The following PUDP variants were observed in gnomAD, a reference collection of about 807,000 sequenced individuals.
PUDP encodes pseudouridine 5'-phosphatase.
A neutral mutation model predicts 9.4 loss-of-function variants in PUDP; 8 were observed. That is an observed-to-expected ratio of 0.85 (90% CI 0.50 to 1.53). The LOEUF (loss-of-function observed/expected upper bound fraction) is 1.53, where lower values mean the gene tolerates loss of function less well. PUDP is among the 40% of genes most tolerant of loss of function. The pLI is 0.00. For missense variants in PUDP, 188 were observed against 189.7 expected (o/e 0.99, Z 0.05); for synonymous variants, 99 against 80.7 (o/e 1.23, Z -1.22).
At chrX:6,791,461 T>C (rs1925748521) in intron 3 of PUDP, among the ~76,000 whole-genome samples, 1 of 111,677 alleles carries the variant, frequency 9.0e-6, no homozygotes, top group African/African-American at 3.3e-5. Context: ...GTAACCAAGG[T>C]TATGAAAGAA....
chrX:6,968,868 C>T (rs887130364), intron 3 of PUDP, among the ~76,000 whole-genome samples: 7 of 111,970 alleles, frequency 6.3e-5, no homozygotes, highest in Non-Finnish European at 1.3e-4. Context: ...GATCTGCCCG[C>T]CTCGGCCTCC....
chrX:7,145,063 C>A (rs768072412), intron 1 of PUDP, among the ~76,000 whole-genome samples: 11 of 111,495 alleles, frequency 9.9e-5, no homozygotes, highest in Non-Finnish European at 1.9e-4. Flanking sequence ...CCAAATGAGG[C>A]TACAGAGTGC....
chrX:6,778,048 C>A (rs1396709739), intron 3 of PUDP, among the ~76,000 whole-genome samples: 1 of 111,923 alleles, frequency 8.9e-6, no homozygotes, highest in Non-Finnish European at 1.9e-5. Flanking sequence ...AGTAAAGATG[C>A]ATTTTGAAAA....
intron 1 of PUDP, among the ~76,000 whole-genome samples, chrX:7,026,150 C>T (rs1282460642): frequency 1.8e-5 from 2 of 111,912 alleles, no homozygotes; most frequent in Non-Finnish European, 3.8e-5. Context: ...CTCTTTATCT[C>T]GACCTTCCAA....
intron 1 of PUDP, among the ~76,000 whole-genome samples, chrX:6,715,476 C>T (rs1924589597): frequency 8.9e-6 from 1 of 112,138 alleles, no homozygotes; most frequent in Admixed American, 9.5e-5. Context: ...TAAGCTCAGA[C>T]ACTGTCAAGT....
intron 3 of PUDP, among the ~76,000 whole-genome samples, chrX:6,750,945 C>G (rs1400700837): frequency 9.0e-6 from 1 of 110,863 alleles, no homozygotes; most frequent in African/African-American, 3.3e-5. Flanking sequence ...GGAGACCATC[C>G]TGGCTAACAC....
intron 3 of PUDP, among the ~76,000 whole-genome samples, chrX:6,809,019 G>C (rs1926097687): frequency 8.9e-6 from 1 of 111,894 alleles, no homozygotes; most frequent in Non-Finnish European, 1.9e-5. Context: ...CGTGTGTTTG[G>C]GGATAAGGAT....
chrX:7,061,780 C>G (rs1021396755), intron 3 of PUDP, among the ~76,000 whole-genome samples: 11 of 111,697 alleles, frequency 9.8e-5, no homozygotes, highest in Admixed American at 6.6e-4. Context: ...TAAATATGCC[C>G]TCCCACCAAC....
chrX:6,810,629 C>G (rs1248263952), intron 3 of PUDP, among the ~76,000 whole-genome samples: 1 of 111,818 alleles, frequency 8.9e-6, no homozygotes, highest in Non-Finnish European at 1.9e-5. Context: ...GAGGGCAACA[C>G]CATCTACATT....
intron 1 of PUDP, among the ~76,000 whole-genome samples, chrX:7,011,217 G>C (rs774899534): frequency 4.6e-4 from 52 of 112,074 alleles, no homozygotes; most frequent in Non-Finnish European, 9.0e-4. Flanking sequence ...GAGATGAACT[G>C]CCTAGCTATC....
At chrX:6,797,125 G>C (rs769430287) in intron 3 of PUDP, among the ~76,000 whole-genome samples, 2 of 112,258 alleles carry the variant, frequency 1.8e-5, no homozygotes, top group Non-Finnish European at 3.8e-5. Flanking sequence ...TAGGGTACCT[G>C]TGTAACTGTG....
intron 3 of PUDP, among the ~76,000 whole-genome samples, chrX:6,765,515 T>C (rs1406958800): frequency 2.7e-5 from 3 of 112,207 alleles, no homozygotes; most frequent in Non-Finnish European, 3.8e-5. Flanking sequence ...TTTCATACTA[T>C]CATGTCGATT....
intron 2 of PUDP, among the ~76,000 whole-genome samples, chrX:7,083,040 G>T (rs1248737207): frequency 1.8e-5 from 2 of 112,695 alleles, no homozygotes; most frequent in African/African-American, 3.2e-5. Flanking sequence ...GCCCAGGGAT[G>T]CCTAGAGCCC....
chrX:6,926,562 C>A (rs991553046), intron 3 of PUDP, among the ~76,000 whole-genome samples: 12 of 112,037 alleles, frequency 1.1e-4, no homozygotes, highest in African/African-American at 3.6e-4. Context: ...CAGCTCCGCA[C>A]TAATTCAGTT....
chrX:6,971,583 A>AT (rs745507486), intron 3 of PUDP, among the ~76,000 whole-genome samples: 33,386 of 95,178 alleles, frequency 0.35, 5,058 homozygotes, highest in Non-Finnish European at 0.41. Context: ...CGCCCGGCTA[A>AT]TTTTTTTTTT....
intron 3 of PUDP, among the ~76,000 whole-genome samples, chrX:7,064,586 G>A (rs1488633490): frequency 9.0e-6 from 1 of 111,263 alleles, no homozygotes; most frequent in Non-Finnish European, 1.9e-5. Context: ...GTCCCTGAGA[G>A]GTGCCCAGAG....
At chrX:7,059,836 G>C (rs941931969) in intron 3 of PUDP, among the ~76,000 whole-genome samples, 8 of 112,299 alleles carry the variant, frequency 7.1e-5, no homozygotes, top group African/African-American at 2.6e-4. Context: ...ACAGCATAAA[G>C]AGAGTGCCTT....
chrX:6,824,976 C>A (rs1602635420), intron 3 of PUDP, among the ~76,000 whole-genome samples: 1 of 111,872 alleles, frequency 8.9e-6, no homozygotes, highest in East Asian at 2.8e-4. Context: ...TGGACTTGAT[C>A]TTGGACTTCA....
At chrX:6,814,924 T>C (rs1184511453) in intron 3 of PUDP, among the ~76,000 whole-genome samples, 1 of 111,712 alleles carries the variant, frequency 9.0e-6, no homozygotes, top group Non-Finnish European at 1.9e-5. Flanking sequence ...GGGACCTCTT[T>C]GCCTGTTTTC....
Sources: allele counts gnomAD v4.1 joint callset (sites outside exome capture counted in the v4.1 genomes callset), GRCh38; gene constraint gnomAD v4.1.1; transcripts MANE v1.5; gene names NCBI Gene and HGNC (gene_info 2026-07-23, HGNC 2026-07-21).